Variants in CATSPERB observed in about 807,000 individuals in gnomAD.
The protein encoded by CATSPERB is cation channel sperm-associated auxiliary subunit beta.
Under a neutral mutation model 128.3 loss-of-function variants are expected in CATSPERB, and 93 were observed. The observed-to-expected ratio is 0.72, with a 90% CI of 0.61 to 0.86. The LOEUF (loss-of-function observed/expected upper bound fraction) is 0.86. CATSPERB is among the 40% of genes least tolerant of loss of function. The pLI is 0.00. For synonymous variants in CATSPERB, 381 were observed against 448.8 expected (o/e 0.85, Z 1.91); for missense variants, 1,153 against 1,329.5 (o/e 0.87, Z 2.06).
chr14:91,694,481 G>C (rs41349046), intron 7 of CATSPERB, among the ~76,000 whole-genome samples: 21,435 of 146,420 alleles, frequency 0.15, 1,687 homozygotes, highest in African/African-American at 0.2. Flanking sequence ...TCTGTTGTGT[G>C]GATTTAATTC....
intron 22 of CATSPERB, chr14:91,605,347 A>G (rs1339425337): frequency 1.5e-6 from 1 of 678,102 alleles, no homozygotes; most frequent in African/African-American, 1.8e-5. Flanking sequence ...GGAGGAAAAA[A>G]TTTAAGAGCT....
At chr14:91,654,484 C>A (rs1046169471) in intron 15 of CATSPERB, among the ~76,000 whole-genome samples, 1 of 152,132 alleles carries the variant, frequency 6.6e-6, no homozygotes, top group Admixed American at 6.5e-5. Context: ...TTGCCATGGG[C>A]TTGGGGTGGT....
Position 91,625,009 on chromosome 14 carries a change from TA to T in CATSPERB, c.1743-3del. 1 of 1,558,856 alleles carries T rather than the reference TA, an allele frequency of 6.4e-7. No homozygotes were observed. Among genetic ancestry groups the T allele is most frequent in the Non-Finnish European group, 8.6e-7 (1 of 1,158,432 alleles). On this transcript the variant is annotated splice_region_variant and splice_polypyrimidine_tract_variant and intron_variant, in intron 17 of 26. Transcript: ENST00000256343. ...CTTATGTAAGCTCTTCCAGTTTTCCTAAAAACAAATAAAACCATTAAGCAAT... is the reference window on the plus strand; with the variant it reads ...CTTATGTAAGCTCTTCCAGTTTTCCTAAAACAAATAAAACCATTAAGCAAT...
intron 22 of CATSPERB, among the ~76,000 whole-genome samples, chr14:91,595,478 T>C (rs1300910750): frequency 6.6e-6 from 1 of 152,116 alleles, no homozygotes. Flanking sequence ...AGATAAGACT[T>C]TTTTAAAGCC....
At chr14:91,683,332 C>T (rs1158067380) in intron 11 of CATSPERB, among the ~76,000 whole-genome samples, 1 of 152,188 alleles carries the variant, frequency 6.6e-6, no homozygotes, top group African/African-American at 2.4e-5. Context: ...TCGACTATGC[C>T]ACCCACTTTC....
intron 17 of CATSPERB, among the ~76,000 whole-genome samples, chr14:91,632,149 C>T (rs1261986721): frequency 1.3e-5 from 2 of 152,088 alleles, no homozygotes; most frequent in African/African-American, 4.8e-5. Context: ...AACTCTCCAA[C>T]TAAAGGACAG....
At chr14:91,604,709 G>C in intron 22 of CATSPERB, 2 of 1,613,634 alleles carry the variant, frequency 1.2e-6, no homozygotes, top group Non-Finnish European at 1.7e-6. Flanking sequence ...GCTCCAGGTT[G>C]AATTGTTCCA....
chr14:91,702,707 A>AC (rs1555364571), intron 7 of CATSPERB, among the ~76,000 whole-genome samples: 5 of 76,110 alleles, frequency 6.6e-5, no homozygotes, highest in African/African-American at 2.3e-4. Flanking sequence ...CACACACACA[A>AC]ACCAAAAACA....
In CATSPERB at chr14:91,664,262, T is replaced by C. The variant is rs77231276; in HGVS notation, c.1288-4281A>G. Among the ~76,000 whole-genome samples the C allele has an allele frequency of 9.2e-4, 22 of 23,924 alleles. 1 individual carries two copies. Among genetic ancestry groups the C allele is most frequent in the Non-Finnish European group, 7.6e-4 (8 of 10,490 alleles). 15.7% of individuals were successfully genotyped at this position (23,924 alleles called of 152,430 possible). ...TGCATTTAAGCTTCTTCCATGTCTT[T>C]TTTTTTTTTTTTTTTTTTTTTGAGA... On this transcript the variant is annotated intron_variant, in intron 14 of 26. Transcript: ENST00000256343.
At chr14:91,686,095 C>G (rs1895370595) in intron 10 of CATSPERB, among the ~76,000 whole-genome samples, 1 of 152,164 alleles carries the variant, frequency 6.6e-6, no homozygotes, top group South Asian at 2.1e-4. Flanking sequence ...TAAATTTCAT[C>G]TCTTTGAAAA....
intron 22 of CATSPERB, among the ~76,000 whole-genome samples, chr14:91,607,523 T>C (rs761603360): frequency 2.6e-5 from 4 of 152,160 alleles, no homozygotes; most frequent in Admixed American, 6.5e-5. Context: ...GAGGCCAGCA[T>C]GGCTAGAGCA....
At chr14:91,661,533 AT>A (rs1894884914) in intron 14 of CATSPERB, among the ~76,000 whole-genome samples, 2 of 145,786 alleles carry the variant, frequency 1.4e-5, no homozygotes, top group Non-Finnish European at 3.0e-5. Flanking sequence ...TCATATATAT[AT>A]ATATATATAT....
intron 2 of CATSPERB, among the ~76,000 whole-genome samples, chr14:91,727,224 A>T (rs1345821007): frequency 6.6e-6 from 1 of 152,168 alleles, no homozygotes; most frequent in Non-Finnish European, 1.5e-5. Context: ...TCTGTCTCCC[A>T]GGTAGTGAGC....
chr14:91,725,149 A>G lies in CATSPERB; in HGVS notation c.99T>C (p.Phe33=). 6.4e-7 allele frequency: 1 copy of G among 1,565,352 alleles called. No individual in the cohort carries two copies. The highest frequency in any genetic ancestry group is 8.7e-7 in the Non-Finnish European group (1 of 1,154,640). Residue 33 remains phenylalanine (F), a synonymous_variant, in exon 3 of 27, where the codon TTT becomes TTC. Coordinates refer to ENST00000256343, the MANE Select transcript of CATSPERB (RefSeq NM_024764.4). ...GAGGGAACCCTTTGTTAGAACATGCAAAGCGTTTCTCTGTATCATCTAAAT... is the reference window on the plus strand; with the variant it reads ...GAGGGAACCCTTTGTTAGAACATGCGAAGCGTTTCTCTGTATCATCTAAAT... The part of the protein sequence containing the change: ...VYNKDDTEKR[F]ACSNKGFPQE...
chr14:91,602,801 C>T (rs1371237945), intron 22 of CATSPERB, among the ~76,000 whole-genome samples: 2 of 152,094 alleles, frequency 1.3e-5, no homozygotes, highest in Non-Finnish European at 2.9e-5. Context: ...CTGTCTGCAC[C>T]AAAATCATCT....
chr14:91,635,560 G>A (rs1894358373), intron 17 of CATSPERB: 1 of 152,096 alleles, frequency 6.6e-6, no homozygotes, highest in African/African-American at 2.4e-5. Context: ...GTTTCACCAT[G>A]TTGGTCAGAC....
chr14:91,604,527 C>G (rs1421111511), intron 22 of CATSPERB: 19 of 1,605,562 alleles, frequency 1.2e-5, no homozygotes, highest in Non-Finnish European at 1.6e-5. Context: ...TCCAAGGCAG[C>G]CTCCAAGTCA....
intron 13 of CATSPERB, 114 bp downstream of exon 13, chr14:91,672,753 C>A: frequency 3.8e-6 from 3 of 783,686 alleles, no homozygotes; most frequent in Non-Finnish European, 5.9e-6. Context: ...TTGCTATAGC[C>A]AATTTTATAG....
At chr14:91,619,555 A>ATTT (rs1566706232) in intron 19 of CATSPERB, among the ~76,000 whole-genome samples, 30,043 of 143,814 alleles carry the variant, frequency 0.21, 3,311 homozygotes, top group East Asian at 0.39. Context: ...CTTTTTTTTA[A>ATTT]AAAAAAAATA....
Sources: allele counts gnomAD v4.1 joint callset (sites outside exome capture counted in the v4.1 genomes callset), GRCh38; gene constraint gnomAD v4.1.1; transcripts MANE v1.5; gene names NCBI Gene and HGNC (gene_info 2026-07-23, HGNC 2026-07-21).